MAP9: variants seen among roughly 807,000 people sequenced by gnomAD.
MAP9 encodes the protein microtubule-associated protein 9.
A neutral mutation model predicts 75.2 loss-of-function variants in MAP9; 80 were observed. That is an observed-to-expected ratio of 1.06 (90% CI 0.89 to 1.28). The LOEUF is 1.28. MAP9 is among the 50% of genes most tolerant of loss of function. The pLI is 0.00. For missense variants in MAP9, 753 were observed against 719.9 expected (o/e 1.05, Z -0.53); for synonymous variants, 235 against 237.3 (o/e 0.99, Z 0.09).
In MAP9 at chr4:155,373,285, T is replaced by C. The variant is rs1305104695; in HGVS notation, c.332A>G (p.Lys111Arg). The C allele has an allele frequency of 1.2e-6, 2 of 1,613,974 alleles. No homozygotes were observed. Among genetic ancestry groups the C allele is most frequent in the Admixed American group, 3.3e-5 (2 of 60,024 alleles). Reference protein sequence around the residue: ...ITKDEPVCAIKNEEEMAPDGC... With the variant: ...ITKDEPVCAIRNEEEMAPDGC... Reference sequence around the variant, plus strand: ...ATCAGGTGCCATTTCCTCTTCATTTTTGATGGCACACACTGGCTCATCTTT... The same window carrying C: ...ATCAGGTGCCATTTCCTCTTCATTTCTGATGGCACACACTGGCTCATCTTT... The change falls in exon 4 of 14, where the codon AAA becomes AGA. Residue 111 changes from lysine to arginine, a missense_variant. Physicochemically the swap from Lys to Arg is conservative, Grantham distance 26. Coordinates refer to ENST00000311277, the MANE Select transcript of MAP9 (RefSeq NM_001039580.2).
At chr4:155,373,859 G>T (rs1011342476) in intron 3 of MAP9, among the ~76,000 whole-genome samples, 5 of 151,930 alleles carry the variant, frequency 3.3e-5, no homozygotes. Context: ...GTAAATGGAA[G>T]AATTTAATTA....
chr4:155,355,924 T>A, intron 8 of MAP9, 40 bp from the exon 9 acceptor site: 6 of 1,537,738 alleles, frequency 3.9e-6, no homozygotes, highest in Non-Finnish European at 5.4e-6. Flanking sequence ...ATATTACAAT[T>A]GCATTTGGTA....
In MAP9 at chr4:155,375,843, T is replaced by A. The variant is rs1252871872; in HGVS notation, c.8A>T (p.Asp3Val). 1 of 1,607,102 alleles carries A rather than the reference T, an allele frequency of 6.2e-7. No individual in the cohort carries two copies. The highest frequency in any genetic ancestry group is 1.1e-5 in the South Asian group (1 of 90,234). Residue 3 changes from aspartate to valine, a missense_variant, in exon 2 of 14, where the codon GAT becomes GTT. By Grantham distance (152) the Asp-to-Val change is radical. Coordinates refer to ENST00000311277, the MANE Select transcript of MAP9 (RefSeq NM_001039580.2). ...TGCCAAAGTGGTGCTAAAAACTTCA[T>A]CAGACATAGTGTATTTTTTCTCGTT... MS[D>V]EVFSTTLAYT... is the part of the protein sequence containing the mutation.
At chr4:155,370,902 C>A (rs920314442) in intron 4 of MAP9, among the ~76,000 whole-genome samples, 1 of 152,140 alleles carries the variant, frequency 6.6e-6, no homozygotes, top group Admixed American at 6.5e-5. Context: ...TATGTGAACT[C>A]ATTTAATTGC....
At chr4:155,369,920 T>C (rs1319601285) in intron 4 of MAP9, among the ~76,000 whole-genome samples, 3 of 152,256 alleles carry the variant, frequency 2.0e-5, no homozygotes, top group Admixed American at 2.0e-4. Flanking sequence ...TTACCTGCTA[T>C]ACATATTTAT....
At chr4:155,348,731 T>A (rs1731378098) in intron 13 of MAP9, among the ~76,000 whole-genome samples, 2 of 152,184 alleles carry the variant, frequency 1.3e-5, no homozygotes, top group Non-Finnish European at 2.9e-5. Flanking sequence ...ATGTATGGTA[T>A]TTGCCTTTAA....
intron 7 of MAP9, among the ~76,000 whole-genome samples, chr4:155,358,617 T>G (rs191742330): frequency 7.8e-4 from 118 of 152,182 alleles, no homozygotes; most frequent in African/African-American, 2.8e-3. Flanking sequence ...ACCATAAATT[T>G]TTAAAGTATA....
In MAP9 at chr4:155,374,972, G is replaced by C. The variant is rs1732774020; in HGVS notation, c.125C>G (p.Ser42Cys). The change falls in exon 3 of 14, where the codon TCT (serine) becomes TGT (cysteine). Residue 42 changes from serine (S) to cysteine (C), a missense_variant. Physicochemically the swap from Ser to Cys is moderately radical, Grantham distance 112. Coordinates refer to ENST00000311277, the MANE Select transcript of MAP9 (RefSeq NM_001039580.2). ...ACTGTCAAAGTCATCTGAGTATTCA[G>C]AACTCCTTTGTCTGGCTGAGCGAGC... ...ITARSARQRS[S>C]EYSDDFDSDE... The C allele has an allele frequency of 6.9e-6, 11 of 1,592,936 alleles. No individual in the cohort carries two copies. The highest frequency in any genetic ancestry group is 9.4e-6 in the Non-Finnish European group (11 of 1,164,056).
At position 155,368,720 on chromosome 4, in the gene MAP9, C is replaced by A. The variant is rs748118973; in HGVS notation, c.574G>T (p.Asp192Tyr). The A allele has an allele frequency of 6.2e-7, 1 of 1,614,050 alleles. No individual in the cohort carries two copies. Among genetic ancestry groups the A allele is most frequent in the East Asian group, 2.2e-5 (1 of 44,882 alleles). ...GCAGTTTCTTTATCTTCTAGTCCAT[C>A]CTTCTCCTCCATGTGACTTTTCTTT... is the stretch of plus-strand genomic sequence containing the variant. ...LKKKSHMEEK[D>Y]GLEDKETALS... is the part of the protein sequence containing the mutation. The change falls in exon 5 of 14, where the codon GAT becomes TAT. Residue 192 changes from aspartate to tyrosine, a missense_variant. Coordinates refer to ENST00000311277, the MANE Select transcript of MAP9 (RefSeq NM_001039580.2).
At position 155,347,236 on chromosome 4, in the gene MAP9, GA is replaced by G. The variant is rs1220641779; in HGVS notation, c.*546del. 6.6e-6 allele frequency: 1 copy of G among 152,196 alleles called. No homozygotes were observed. Among genetic ancestry groups the G allele is most frequent in the Non-Finnish European group, 1.5e-5 (1 of 68,046 alleles). 9.4% of individuals were successfully genotyped at this position (152,196 alleles called of 1,614,324 possible). A position where few individuals can be genotyped will look rare whatever the true frequency, so the allele number is the denominator to read the frequency against. ...AAATTCTTAAATAAAAAGCCTTGAT[GA>G]TTAGAGTTCTACTGAGCTACTGCCT... On this transcript the variant is annotated 3_prime_UTR_variant, in exon 14 of 14. Coordinates refer to ENST00000311277, the MANE Select transcript of MAP9 (RefSeq NM_001039580.2).
chr4:155,343,189 TTATA>T lies in MAP9; in HGVS notation c.*4590_*4593del, dbSNP rs1427911571. 4 of 79,320 alleles carry T rather than the reference TTATA, an allele frequency of 5.0e-5. No homozygotes were observed. The highest frequency in any genetic ancestry group is 1.2e-4 in the African/African-American group (1 of 8,468). The allele number at this position is 79,320 out of a possible 1,614,324, so 4.9% of individuals were successfully genotyped here. A position where few individuals can be genotyped will look rare whatever the true frequency, so the allele number is the denominator to read the frequency against. On this transcript the variant is annotated 3_prime_UTR_variant, in exon 14 of 14. Coordinates refer to ENST00000311277, the MANE Select transcript of MAP9 (RefSeq NM_001039580.2). ...AAATATGCACATTAGTATTTGTATTTTATATATATTATGTACATCATTATATATA... is the reference window on the plus strand; with the variant it reads ...AAATATGCACATTAGTATTTGTATTTTATATTATGTACATCATTATATATA...
Position 155,343,612 on chromosome 4 carries a change from A to G in MAP9, c.*4171T>C, listed in dbSNP as rs1344326803. 2 of 151,850 alleles carry G rather than the reference A, an allele frequency of 1.3e-5. No individual in the cohort carries two copies. The highest frequency in any genetic ancestry group is 3.0e-5 in the Non-Finnish European group (2 of 67,794). 9.4% of individuals were successfully genotyped at this position (151,850 alleles called of 1,614,324 possible). A position where few individuals can be genotyped will look rare whatever the true frequency, so the allele number is the denominator to read the frequency against. ...AATAAAACTCACACCACATTTCCTAACACTATGGGCATTTTGGAACACAGT... is the reference window on the plus strand; with the variant it reads ...AATAAAACTCACACCACATTTCCTAGCACTATGGGCATTTTGGAACACAGT... On this transcript the variant is annotated 3_prime_UTR_variant, in exon 14 of 14. Transcript: ENST00000311277.
chr4:155,350,480 A>G (rs1405482886), intron 13 of MAP9, among the ~76,000 whole-genome samples: 1 of 152,026 alleles, frequency 6.6e-6, no homozygotes, highest in Non-Finnish European at 1.5e-5. Context: ...ATTCTATTCC[A>G]TTTTCATGAA....
intron 6 of MAP9, among the ~76,000 whole-genome samples, chr4:155,360,691 C>T (rs375851036): frequency 3.9e-4 from 60 of 152,008 alleles, no homozygotes; most frequent in South Asian, 6.2e-4. Flanking sequence ...CCTAAAACAA[C>T]GACATGTCAA....
intron 13 of MAP9, chr4:155,351,062 A>G (rs941460437): frequency 2.9e-4 from 44 of 151,952 alleles, no homozygotes; most frequent in African/African-American, 1.0e-3. Flanking sequence ...ACTGGTCAGA[A>G]AGACTGTGAA....
At chr4:155,372,271 T>C (rs1388395845) in intron 4 of MAP9, among the ~76,000 whole-genome samples, 1 of 152,192 alleles carries the variant, frequency 6.6e-6, no homozygotes, top group East Asian at 1.9e-4. Flanking sequence ...ATATGCAAAG[T>C]ATGAAATATT....
Position 155,376,872 on chromosome 4 carries a change from T to G in MAP9, c.-166A>C, listed in dbSNP as rs1732874461. 6.5e-6 allele frequency: 1 copy of G among 152,820 alleles called. No individual in the cohort carries two copies. Among genetic ancestry groups the G allele is most frequent in the Middle Eastern group, 3.4e-3 (1 of 296 alleles). The allele number at this position is 152,820 out of a possible 1,614,324, so 9.5% of individuals were successfully genotyped here. ...GGGCGGTTGCTAGGAAACAGCGTCT[T>G]CGGGAGGAAGTGACTTCCCCACCGC... is the stretch of plus-strand genomic sequence containing the variant. On this transcript the variant is annotated 5_prime_UTR_variant, in exon 1 of 14. Transcript: ENST00000311277.
At chr4:155,368,867 T>A in intron 4 of MAP9, 55 bp from the exon 5 acceptor site, 1 of 1,427,838 alleles carries the variant, frequency 7.0e-7, no homozygotes, top group Non-Finnish European at 9.6e-7. Context: ...TGGCTTTATC[T>A]ATCTCTCTGG....
chr4:155,343,281 A>C lies in MAP9; in HGVS notation c.*4502T>G, dbSNP rs1270149682. 2.7e-5 allele frequency: 4 copies of C among 150,712 alleles called. No homozygotes were observed. The highest frequency in any genetic ancestry group is 5.9e-5 in the Non-Finnish European group (4 of 67,542). 9.3% of individuals were successfully genotyped at this position (150,712 alleles called of 1,614,324 possible). Reference sequence around the variant, plus strand: ...GGAGAGAGACAGAGTGGGAGAGAGAAAGAGGAGGGAGGAACTATCTCTTCC... The same window carrying C: ...GGAGAGAGACAGAGTGGGAGAGAGACAGAGGAGGGAGGAACTATCTCTTCC... On this transcript the variant is annotated 3_prime_UTR_variant, in exon 14 of 14. Coordinates refer to ENST00000311277, the MANE Select transcript of MAP9 (RefSeq NM_001039580.2).
Sources: gnomAD v4.1 joint callset for allele counts (sites outside exome capture counted in the v4.1 genomes callset) on GRCh38, gnomAD v4.1.1 for gene constraint, MANE v1.5 for transcripts, NCBI Gene and HGNC (gene_info 2026-07-23, HGNC 2026-07-21) for gene names.